Variants in ARHGEF4 observed in about 807,000 individuals in gnomAD.
The protein encoded by ARHGEF4 is APC-stimulated guanine nucleotide exchange factor 1.
ARHGEF4 carries 119 observed loss-of-function variants against 162.0 expected under a neutral mutation model. The ratio of observed to expected loss-of-function variants is 0.73; its 90% CI spans 0.63 to 0.86. The LOEUF is 0.86. Among genes scored for constraint, ARHGEF4 ranks in the 40% least tolerant of loss-of-function variants. ARHGEF4 has a pLI of 0.00. For synonymous variants in ARHGEF4, 1,014 were observed against 979.9 expected (o/e 1.03, Z -0.65); for missense variants, 2,488 against 2,456.0 (o/e 1.01, Z -0.28).
chr2:131,039,265 G>A (rs1037763913), intron 6 of ARHGEF4: 2 of 1,294,266 alleles, frequency 1.5e-6, no homozygotes, highest in South Asian at 1.7e-5. Flanking sequence ...AGAAATGAGT[G>A]TGTGCAGACA....
At chr2:131,032,133 C>T (rs964785083) in intron 5 of ARHGEF4, among the ~76,000 whole-genome samples, 1 of 152,044 alleles carries the variant, frequency 6.6e-6, no homozygotes, top group Non-Finnish European at 1.5e-5. Flanking sequence ...AAGCCCAGCT[C>T]GTCTTCCAGC....
At chr2:131,045,817 CTCTT>C in intron 13 of ARHGEF4, 1 of 1,431,996 alleles carries the variant, frequency 7.0e-7, no homozygotes, top group Non-Finnish European at 9.1e-7. Context: ...GGCCACCCCC[CTCTT>C]CAGGCTGCTG....
At chr2:131,034,169 C>T (rs1186698798) in intron 5 of ARHGEF4, among the ~76,000 whole-genome samples, 1 of 152,208 alleles carries the variant, frequency 6.6e-6, no homozygotes, top group Non-Finnish European at 1.5e-5. Context: ...CTGTGCGCCC[C>T]TCCCTGCCCT....
chr2:131,043,506 C>G lies in ARHGEF4; in HGVS notation c.5080C>G (p.Arg1694Gly), dbSNP rs1336179328. ...SELIYSGELT[R>G]VTQPQAKSQQ... ...ACTCATCTACTCGGGGGAGCTGACT[C>G]GAGTTACACAGCCTCAAGCCAAAAG... Residue 1694 changes from arginine (R) to glycine (G), a missense_variant, in exon 11 of 14, where the codon CGA (arginine) becomes GGA (glycine). Physicochemically the swap from Arg to Gly is moderately radical, Grantham distance 125. Transcript: ENST00000409359. 5 of 1,614,094 alleles carry G rather than the reference C, an allele frequency of 3.1e-6. No individual in the cohort carries two copies. Among genetic ancestry groups the G allele is most frequent in the South Asian group, 1.1e-5 (1 of 91,084 alleles).
intron 3 of ARHGEF4, among the ~76,000 whole-genome samples, chr2:130,940,269 TG>T (rs993469823): frequency 3.9e-5 from 6 of 152,090 alleles, no homozygotes; most frequent in African/African-American, 1.4e-4. Context: ...TCTGTGTAGA[TG>T]GAACATAAGG....
Position 131,045,439 on chromosome 2 carries a change from G to A in ARHGEF4, c.5472G>A (p.Lys1824=), listed in dbSNP as rs1354639967. The A allele has an allele frequency of 8.1e-6, 13 of 1,613,640 alleles. No homozygotes were observed. The highest frequency in any genetic ancestry group is 1.0e-5 in the Non-Finnish European group (12 of 1,180,010). The change falls in exon 13 of 14, where the codon AAG becomes AAA. Residue 1824 remains lysine (K), a synonymous_variant. Coordinates refer to ENST00000409359, the MANE Select transcript of ARHGEF4 (RefSeq NM_001367493.1). Reference sequence around the variant, plus strand: ...CCAGCAAGCAGCAGGTCACAGGGAAGCCCAAAGGTAGGCGGACAGCAGCCC... The same window carrying A: ...CCAGCAAGCAGCAGGTCACAGGGAAACCCAAAGGTAGGCGGACAGCAGCCC... ...LNASKQQVTG[K]PKAVGRPCYL...
At chr2:130,885,168 G>A (rs922625162) in intron 1 of ARHGEF4, among the ~76,000 whole-genome samples, 1 of 152,022 alleles carries the variant, frequency 6.6e-6, no homozygotes, top group African/African-American at 2.4e-5. Context: ...CTGAGTTTGG[G>A]CATATGTCAG....
At chr2:130,940,633 GATC>G (rs1330407640) in intron 3 of ARHGEF4, among the ~76,000 whole-genome samples, 2 of 148,066 alleles carry the variant, frequency 1.4e-5, no homozygotes, top group Admixed American at 6.7e-5. Context: ...GAGGTCAGGA[GATC>G]GAGACCACGG....
chr2:130,993,942 G>A (rs987783575), intron 4 of ARHGEF4, among the ~76,000 whole-genome samples: 1 of 152,000 alleles, frequency 6.6e-6, no homozygotes, highest in Non-Finnish European at 1.5e-5. Flanking sequence ...ACCGCACCTG[G>A]CTAATTTTTG....
intron 4 of ARHGEF4, among the ~76,000 whole-genome samples, chr2:130,993,330 T>C (rs1239651657): frequency 1.3e-5 from 2 of 152,236 alleles, no homozygotes; most frequent in Non-Finnish European, 2.9e-5. Flanking sequence ...ATTTCTGGCA[T>C]ATTTGTATTA....
intron 2 of ARHGEF4, among the ~76,000 whole-genome samples, chr2:130,927,436 G>A (rs528223990): frequency 1.1e-3 from 161 of 152,310 alleles, no homozygotes; most frequent in African/African-American, 3.0e-3. Flanking sequence ...CACTTGGCTC[G>A]GGGACATATG....
intron 4 of ARHGEF4, among the ~76,000 whole-genome samples, chr2:131,010,585 T>A (rs1181204358): frequency 6.6e-6 from 1 of 152,250 alleles, no homozygotes; most frequent in Admixed American, 6.5e-5. Context: ...AAGCATGTGC[T>A]TCTGTATCAG....
At chr2:130,956,349 G>C (rs1044741441) in intron 4 of ARHGEF4, among the ~76,000 whole-genome samples, 40 of 152,062 alleles carry the variant, frequency 2.6e-4, no homozygotes, top group Non-Finnish European at 5.6e-4. Flanking sequence ...TGGAGAAATA[G>C]GAACACTTTT....
chr2:130,897,997 G>A (rs1224411447), intron 1 of ARHGEF4, among the ~76,000 whole-genome samples: 1 of 152,202 alleles, frequency 6.6e-6, no homozygotes, highest in African/African-American at 2.4e-5. Flanking sequence ...CACATGGTGA[G>A]TGTGCCAGAA....
Position 131,040,167 on chromosome 2 carries a change from T to G in ARHGEF4, c.4457T>G (p.Ile1486Ser). 1 of 1,611,660 alleles carries G rather than the reference T, an allele frequency of 6.2e-7. No homozygotes were observed. The highest frequency in any genetic ancestry group is 8.5e-7 in the Non-Finnish European group (1 of 1,178,564). ...NEILSTERDY[I>S]KHLRDICEGY... The stretch of plus-strand genomic sequence containing the variant: ...ATCCTCAGCACTGAGCGGGACTACA[T>G]CAAGCACCTGCGCGACATCTGCGAG... The change falls in exon 7 of 14, where the codon ATC (isoleucine) becomes AGC (serine). Residue 1486 changes from isoleucine (I) to serine (S), a missense_variant. Around this residue, in one of 6 missense-constraint regions of ARHGEF4, gnomAD observed 174 missense variants for 148.3 expected, o/e 1.17. Transcript: ENST00000409359.
At chr2:130,864,576 T>C (rs1682133543) in intron 1 of ARHGEF4, among the ~76,000 whole-genome samples, 1 of 152,052 alleles carries the variant, frequency 6.6e-6, no homozygotes, top group Non-Finnish European at 1.5e-5. Context: ...TACAAAAAAT[T>C]AGCCAGATGT....
chr2:130,984,682 C>T (rs1475194944), intron 4 of ARHGEF4, among the ~76,000 whole-genome samples: 1 of 99,484 alleles, frequency 1.0e-5, no homozygotes, highest in African/African-American at 3.8e-5. Context: ...GAGCAAGGCT[C>T]TGTCTTAAAA....
chr2:130,915,812 C>G lies in ARHGEF4; in HGVS notation c.1866C>G (p.Gly622=), dbSNP rs934677097. Reference sequence around the variant, plus strand: ...GGCAGCTGGAGCCCAAAGCAGGCGGCGAGGCCTCGAGGGGCAGGGGCGCCC... The same window carrying G: ...GGCAGCTGGAGCCCAAAGCAGGCGGGGAGGCCTCGAGGGGCAGGGGCGCCC... The part of the protein sequence containing the change: ...GGRQLEPKAG[G]EASRGRGALI... Residue 622 remains glycine, a synonymous_variant, in exon 2 of 14, where the codon GGC becomes GGG. Coordinates refer to ENST00000409359, the MANE Select transcript of ARHGEF4 (RefSeq NM_001367493.1). The G allele has an allele frequency of 7.6e-5, 116 of 1,522,286 alleles. No homozygotes were observed. Among genetic ancestry groups the G allele is most frequent in the Non-Finnish European group, 9.8e-5 (111 of 1,133,592 alleles). The allele number at this position is 1,522,286 out of a possible 1,614,324, so 94.3% of individuals were successfully genotyped here.
chr2:130,995,951 G>A (rs930379504), intron 4 of ARHGEF4, among the ~76,000 whole-genome samples: 1 of 150,286 alleles, frequency 6.7e-6, no homozygotes, highest in Non-Finnish European at 1.5e-5. Context: ...GTGCAGTGGC[G>A]CGATCTCGGC....
Sources: allele counts gnomAD v4.1 joint callset (sites outside exome capture counted in the v4.1 genomes callset), GRCh38; gene constraint gnomAD v4.1.1; regional missense constraint gnomAD v4.1.1; transcripts MANE v1.5; gene names NCBI Gene and HGNC (gene_info 2026-07-23, HGNC 2026-07-21).